The following CACNA2D3 variants were observed in gnomAD, a reference collection of about 807,000 sequenced individuals.
CACNA2D3 encodes calcium voltage-gated channel auxiliary subunit alpha2delta 3.
CACNA2D3 carries 60 observed loss-of-function variants against 160.6 expected under a neutral mutation model. The ratio of observed to expected loss-of-function variants is 0.37; its 90% CI spans 0.30 to 0.46. The LOEUF (loss-of-function observed/expected upper bound fraction) is 0.46. Among genes scored for constraint, CACNA2D3 ranks in the 20% least tolerant of loss-of-function variants. The probability of loss-of-function intolerance (pLI) is 1.00; values close to 1 mark genes in which losing one functional copy is unlikely to be tolerated. For missense variants in CACNA2D3, 1,205 were observed against 1,365.0 expected (o/e 0.88, Z 1.85); for synonymous variants, 558 against 492.9 (o/e 1.13, Z -1.75).
chr3:54,125,536 A>G (rs1699575219), intron 2 of CACNA2D3, among the ~76,000 whole-genome samples: 1 of 152,150 alleles, frequency 6.6e-6, no homozygotes, highest in Non-Finnish European at 1.5e-5. Flanking sequence ...ATTGCGTTCC[A>G]GGGTGGGTGT....
chr3:54,344,068 C>T (rs1698412649), intron 3 of CACNA2D3, among the ~76,000 whole-genome samples: 1 of 152,130 alleles, frequency 6.6e-6, no homozygotes, highest in South Asian at 2.1e-4. Flanking sequence ...TATTTTGCTG[C>T]AAATTATCTC....
At chr3:54,191,137 G>A (rs1559877153) in intron 2 of CACNA2D3, among the ~76,000 whole-genome samples, 2 of 151,642 alleles carry the variant, frequency 1.3e-5, no homozygotes, top group Middle Eastern at 3.4e-3. Context: ...TGAAGAACTC[G>A]TATGAGGCCA....
At chr3:54,288,544 A>G (rs1055798331) in intron 2 of CACNA2D3, among the ~76,000 whole-genome samples, 1 of 152,196 alleles carries the variant, frequency 6.6e-6, no homozygotes, top group Non-Finnish European at 1.5e-5. Context: ...TCAATAGAAA[A>G]AGAGGGAATC....
At chr3:54,894,935 T>A (rs574299836) in intron 25 of CACNA2D3, among the ~76,000 whole-genome samples, 4 of 151,558 alleles carry the variant, frequency 2.6e-5, no homozygotes, top group Non-Finnish European at 4.4e-5. Flanking sequence ...ACTTTCTCAG[T>A]CTTGCACATG....
chr3:54,261,312 GTCCAGTTTTATTTTTTGGCACCCAGAT>G (rs1702396998), intron 2 of CACNA2D3, among the ~76,000 whole-genome samples: 1 of 152,102 alleles, frequency 6.6e-6, no homozygotes, highest in Admixed American at 6.5e-5. Flanking sequence ...CACATCTGGT[GTCCAGTTTTATTTTTTGGCACCCAGAT>G]TCCTTCTTGG....
intron 2 of CACNA2D3, among the ~76,000 whole-genome samples, chr3:54,201,267 A>G (rs1701174469): frequency 1.3e-5 from 2 of 152,242 alleles, no homozygotes; most frequent in African/African-American, 4.8e-5. Flanking sequence ...TTGAAATTAC[A>G]CATTATAGTT....
At chr3:54,762,867 G>A (rs562930641) in intron 12 of CACNA2D3, among the ~76,000 whole-genome samples, 11 of 152,216 alleles carry the variant, frequency 7.2e-5, no homozygotes, top group East Asian at 1.9e-4. Flanking sequence ...CGAGGCAGGC[G>A]GATCACGAGG....
chr3:54,802,536 T>C (rs1175975871), intron 13 of CACNA2D3, among the ~76,000 whole-genome samples: 2 of 152,202 alleles, frequency 1.3e-5, no homozygotes, highest in African/African-American at 4.8e-5. Context: ...CCTTTATTTG[T>C]ACAAATAAAA....
chr3:54,537,030 ACT>A (rs1170618727), intron 5 of CACNA2D3, among the ~76,000 whole-genome samples: 5 of 150,918 alleles, frequency 3.3e-5, no homozygotes, highest in Non-Finnish European at 7.4e-5. Flanking sequence ...AATAACAATG[ACT>A]CTCTCTTAGT....
At chr3:54,626,638 C>T (rs1699114622) in intron 9 of CACNA2D3, 2 of 1,146,682 alleles carry the variant, frequency 1.7e-6, no homozygotes, top group East Asian at 2.4e-5. Flanking sequence ...CCGCTTCATC[C>T]CTCTCAAGCA....
At chr3:54,441,525 C>T (rs1700144358) in intron 4 of CACNA2D3, among the ~76,000 whole-genome samples, 4 of 152,180 alleles carry the variant, frequency 2.6e-5, no homozygotes, top group East Asian at 1.9e-4. Context: ...CTTTTGTTGC[C>T]ATTGCTTTTG....
chr3:54,926,420 C>T (rs1015820631), intron 27 of CACNA2D3, among the ~76,000 whole-genome samples: 18 of 151,550 alleles, frequency 1.2e-4, no homozygotes, highest in African/African-American at 3.9e-4. Context: ...CAGAGTCTGT[C>T]AGAGTTCTTA....
chr3:54,300,035 G>A (rs1703438941), intron 2 of CACNA2D3, among the ~76,000 whole-genome samples: 1 of 152,152 alleles, frequency 6.6e-6, no homozygotes, highest in African/African-American at 2.4e-5. Context: ...GTAATTCAAA[G>A]GATTTTCTCT....
intron 5 of CACNA2D3, among the ~76,000 whole-genome samples, chr3:54,558,571 C>T (rs1056998930): frequency 3.3e-5 from 5 of 152,152 alleles, no homozygotes; most frequent in Non-Finnish European, 5.9e-5. Flanking sequence ...CCTCCTCCCA[C>T]CCTCCACCCT....
chr3:54,529,614 C>T (rs1350926487), intron 5 of CACNA2D3, among the ~76,000 whole-genome samples: 1 of 152,138 alleles, frequency 6.6e-6, no homozygotes, highest in Admixed American at 6.6e-5. Flanking sequence ...TCTGGAGAGG[C>T]TTCTCCCTGG....
chr3:55,018,313 T>C lies in CACNA2D3; in HGVS notation c.2983T>C (p.Ser995Pro). 1.3e-6 allele frequency: 2 copies of C among 1,598,660 alleles called. No individual in the cohort carries two copies. The highest frequency in any genetic ancestry group is 1.7e-5 in the Admixed American group (1 of 59,854). Residue 995 changes from serine to proline, a missense_variant, in exon 35 of 38, where the codon TCC becomes CCC. Ser to Pro is a moderately conservative substitution (Grantham distance 74). Transcript: ENST00000474759. ...TTGNIACEDC[S>P]KSFVIQQIPS... ...AGGGAATATTGCTTGTGAAGACTGC[T>C]CCAAGTAAGCCATCCCCCCACCCTC...
chr3:55,029,456 G>A (rs1703638121), intron 35 of CACNA2D3, among the ~76,000 whole-genome samples: 1 of 152,168 alleles, frequency 6.6e-6, no homozygotes, highest in East Asian at 1.9e-4. Context: ...ATGGAGCACA[G>A]TCCACAAACC....
At chr3:54,496,387 T>A (rs1022175428) in intron 4 of CACNA2D3, among the ~76,000 whole-genome samples, 2 of 152,212 alleles carry the variant, frequency 1.3e-5, no homozygotes, top group Admixed American at 6.5e-5. Context: ...TTTATTTTTG[T>A]ACTTTCCTGA....
intron 2 of CACNA2D3, among the ~76,000 whole-genome samples, chr3:54,276,572 CAAAAA>C (rs34052239): frequency 1.7e-5 from 2 of 114,600 alleles, no homozygotes; most frequent in Admixed American, 9.0e-5. Flanking sequence ...GACTCTGTCT[CAAAAA>C]AAAAAAAAAA....
Sources: gnomAD v4.1 joint callset for allele counts (sites outside exome capture counted in the v4.1 genomes callset) on GRCh38, gnomAD v4.1.1 for gene constraint, MANE v1.5 for transcripts, NCBI Gene and HGNC (gene_info 2026-07-23, HGNC 2026-07-21) for gene names.